USP45: variants seen among roughly 807,000 people sequenced by gnomAD.
USP45 encodes the protein ubiquitin carboxyl-terminal hydrolase 45.
USP45 carries 89 observed loss-of-function variants against 95.8 expected under a neutral mutation model. The ratio of observed to expected loss-of-function variants is 0.93; its 90% CI spans 0.78 to 1.11. The LOEUF is 1.11. Among genes scored for constraint, USP45 ranks in the 50% least tolerant of loss-of-function variants. The probability of loss-of-function intolerance (pLI) is 0.00; values close to 1 mark genes in which losing one functional copy is unlikely to be tolerated. For missense variants in USP45, 898 were observed against 942.5 expected (o/e 0.95, Z 0.62); for synonymous variants, 281 against 316.2 (o/e 0.89, Z 1.18).
Position 99,473,775 on chromosome 6 carries a change from A to ACACACACACACAC in USP45, c.933+2367_933+2368insGTGTGTGTGTGTG, listed in dbSNP as rs764424679. 1.9e-3 allele frequency among the ~76,000 whole-genome samples: 7 copies of ACACACACACACAC among 3,734 alleles called. No homozygotes were observed. In the East Asian group the frequency reaches 0.043, roughly 23 times the overall value. 2.4% of individuals were successfully genotyped at this position (3,734 alleles called of 152,430 possible). On this transcript the variant is annotated intron_variant, in intron 9 of 17. Coordinates refer to ENST00000500704, the MANE Select transcript of USP45 (RefSeq NM_001346022.3). Reference sequence around the variant, plus strand: ...GTCTCAAAAAAAAAACAAAAAAAACAAAACACACACACACACACACACACA... The same window carrying ACACACACACACAC: ...GTCTCAAAAAAAAAACAAAAAAAACACACACACACACACAAACACACACACACACACACACACA...
At chr6:99,488,410 T>C in intron 6 of USP45, 115 bp from the exon 7 acceptor site, 1 of 741,968 alleles carries the variant, frequency 1.3e-6, no homozygotes, top group Non-Finnish European at 2.1e-6. Context: ...CAAAAAATAT[T>C]AAGATTTAGT....
rs1195346855 is a variant in USP45, at chr6:99,439,652, T to TAA, written c.2160+115_2160+116dup. ...TATTACTGACTTAATCACTGGCTAT[T>TAA]AAAATTCCCTTTCAGAAGAGAAGTT... On this transcript the variant is annotated intron_variant, in intron 16 of 17. Transcript: ENST00000500704. The TAA allele has an allele frequency of 1.2e-5, 8 of 655,786 alleles. No homozygotes were observed. The African/African-American group carries it at 1.3e-4, about 11-fold the overall frequency. The allele number at this position is 655,786 out of a possible 1,614,324, so 40.6% of individuals were successfully genotyped here.
intron 13 of USP45, among the ~76,000 whole-genome samples, chr6:99,458,105 C>T (rs997039390): frequency 2.6e-5 from 4 of 152,178 alleles, no homozygotes; most frequent in Non-Finnish European, 5.9e-5. Flanking sequence ...ACTGCAACCT[C>T]CACCTCCTGG....
rs768514430 is a variant in USP45, at chr6:99,446,181, C to T, written c.1591G>A (p.Asp531Asn). 4.3e-6 allele frequency: 7 copies of T among 1,614,170 alleles called. No homozygotes were observed. Among genetic ancestry groups the T allele is most frequent in the Non-Finnish European group, 5.1e-6 (6 of 1,180,036 alleles). ...GCTGACAGAGGGTAAAGGGGTCCATCTGGCTGCACACCGGATCCACTACTG... is the reference window on the plus strand; with the variant it reads ...GCTGACAGAGGGTAAAGGGGTCCATTTGGCTGCACACCGGATCCACTACTG... ...RSSSGSGVQP[D>N]GPLYPLSAGK... Residue 531 changes from aspartate (D) to asparagine (N), a missense_variant, in exon 14 of 18, where the codon GAT (aspartate) becomes AAT (asparagine). By Grantham distance (23) the Asp-to-Asn change is conservative. Coordinates refer to ENST00000500704, the MANE Select transcript of USP45 (RefSeq NM_001346022.3).
At chr6:99,447,302 G>A (rs1159402033) in intron 13 of USP45, among the ~76,000 whole-genome samples, 1 of 152,056 alleles carries the variant, frequency 6.6e-6, no homozygotes, top group Non-Finnish European at 1.5e-5. Context: ...CTTGGCTGAA[G>A]GGTCAAGACA....
At chr6:99,443,684 T>A in intron 14 of USP45, 22 bp from the exon 15 acceptor site, 2 of 1,437,476 alleles carry the variant, frequency 1.4e-6, no homozygotes, top group Non-Finnish European at 1.9e-6. Flanking sequence ...ACAATAAATT[T>A]ATTTATAAAA....
At position 99,470,138 on chromosome 6, in the gene USP45, T is replaced by C. The variant is rs185788643; in HGVS notation, c.934-1520A>G. Reference sequence around the variant, plus strand: ...AGATATGAGAGGTAAAGAACCCAGATTGGAGCAATGAGACTTATGAATCAG... The same window carrying C: ...AGATATGAGAGGTAAAGAACCCAGACTGGAGCAATGAGACTTATGAATCAG... On this transcript the variant is annotated intron_variant, in intron 9 of 17. Coordinates refer to ENST00000500704, the MANE Select transcript of USP45 (RefSeq NM_001346022.3). Among the ~76,000 whole-genome samples, 35 of 152,254 alleles carry C rather than the reference T, an allele frequency of 2.3e-4. No individual in the cohort carries two copies. In the East Asian group the frequency reaches 2.9e-3, roughly 13 times the overall value.
intron 5 of USP45, chr6:99,501,874 T>C: frequency 1.6e-6 from 2 of 1,229,316 alleles, no homozygotes; most frequent in Non-Finnish European, 1.0e-6. Context: ...TCCTCGGAAT[T>C]TCCAGAGCGA....
chr6:99,465,562 TACTC>T (rs1320148943), intron 11 of USP45, among the ~76,000 whole-genome samples: 2 of 152,192 alleles, frequency 1.3e-5, no homozygotes, highest in African/African-American at 4.8e-5. Context: ...TTTTAAAAGA[TACTC>T]TCTATCTTGT....
At chr6:99,437,515 A>G in intron 16 of USP45, 116 bp from the exon 17 acceptor site, 1 of 1,065,410 alleles carries the variant, frequency 9.4e-7, no homozygotes. Flanking sequence ...AAACTGAGAT[A>G]CTTTCCATAC....
intron 10 of USP45, among the ~76,000 whole-genome samples, chr6:99,467,303 G>C (rs6912228): frequency 0.52 from 79,060 of 151,982 alleles, 21,153 homozygotes; most frequent in East Asian, 0.9. Context: ...GAGGTTGGGA[G>C]AAAATGGATT....
chr6:99,500,213 C>T lies in USP45; in HGVS notation c.478+3552G>A, dbSNP rs371633879. ...GATCTCGGCTTACTGCAGCCTCCGC[C>T]TCCCGGGTTCAAACAATTCTCATGC... On this transcript the variant is annotated intron_variant, in intron 5 of 17. Coordinates refer to ENST00000500704, the MANE Select transcript of USP45 (RefSeq NM_001346022.3). 7.3e-5 allele frequency among the ~76,000 whole-genome samples: 11 copies of T among 151,142 alleles called. No homozygotes were observed. In the South Asian group the frequency reaches 2.3e-3, roughly 32 times the overall value.
chr6:99,508,960 CAT>C (rs1327382957), intron 2 of USP45, among the ~76,000 whole-genome samples, 178 bp from the exon 3 acceptor site: 2 of 152,040 alleles, frequency 1.3e-5, no homozygotes, highest in South Asian at 2.1e-4. Context: ...CATGAAATAA[CAT>C]AATTATAGAA....
chr6:99,479,888 A>C (rs1428703984), intron 8 of USP45, among the ~76,000 whole-genome samples: 1 of 152,176 alleles, frequency 6.6e-6, no homozygotes, highest in Non-Finnish European at 1.5e-5. Flanking sequence ...CTATTGCAAT[A>C]TGTATTGGTT....
At chr6:99,511,640 A>G (rs546943386) in intron 1 of USP45, among the ~76,000 whole-genome samples, 13 of 151,862 alleles carry the variant, frequency 8.6e-5, no homozygotes, top group African/African-American at 2.9e-4. Context: ...CTTAGTAGAG[A>G]TGGGATTTCC....
At chr6:99,436,268 C>A (rs531318381) in intron 17 of USP45, among the ~76,000 whole-genome samples, 1 of 152,032 alleles carries the variant, frequency 6.6e-6, no homozygotes, top group Non-Finnish European at 1.5e-5. Context: ...ATAATGCTGT[C>A]TGGCCCAGCG....
rs1487260892 is a variant in USP45, at chr6:99,488,687, G to C, written c.612C>G (p.Val204=). 6.3e-7 allele frequency: 1 copy of C among 1,598,718 alleles called. No individual in the cohort carries two copies. The highest frequency in any genetic ancestry group is 1.1e-5 in the South Asian group (1 of 87,818). ...NLGNTCFFNA[V]MQNLAQTYTL... is the part of the protein sequence containing the mutation. ...GCTTTCTGATGACTCTTACCTGCAT[G>C]ACTGCATTAAAAAAGCAAGTATTTC... Residue 204 remains valine, a synonymous_variant, in exon 6 of 18, where the codon GTC becomes GTG. Coordinates refer to ENST00000500704, the MANE Select transcript of USP45 (RefSeq NM_001346022.3).
intron 15 of USP45, among the ~76,000 whole-genome samples, chr6:99,440,878 A>G (rs1781390231): frequency 6.6e-6 from 1 of 152,134 alleles, no homozygotes; most frequent in Admixed American, 6.5e-5. Context: ...GTCTGAGATC[A>G]TTTCAGCTAT....
chr6:99,459,304 A>G (rs1785822462), intron 13 of USP45, among the ~76,000 whole-genome samples: 1 of 152,130 alleles, frequency 6.6e-6, no homozygotes, highest in South Asian at 2.1e-4. Context: ...CGTTCCTGTA[A>G]AAGGCACAAT....
Sources: allele counts gnomAD v4.1 joint callset (sites outside exome capture counted in the v4.1 genomes callset), GRCh38; gene constraint gnomAD v4.1.1; transcripts MANE v1.5; gene names NCBI Gene and HGNC (gene_info 2026-07-23, HGNC 2026-07-21).